The following NPAS3 variants were observed in gnomAD, a reference collection of about 807,000 sequenced individuals.
The protein encoded by NPAS3 is neuronal PAS domain protein 3.
In NPAS3, 14 loss-of-function variants were observed where a neutral mutation model predicts 73.1. The observed-to-expected ratio is 0.19, with a 90% CI of 0.13 to 0.30. The LOEUF (loss-of-function observed/expected upper bound fraction) is 0.30, where lower values mean the gene tolerates loss of function less well. Among genes scored for constraint, NPAS3 ranks in the 10% least tolerant of loss-of-function variants. NPAS3 has a pLI of 1.00. For synonymous variants in NPAS3, 620 were observed against 541.5 expected, an observed-to-expected ratio of 1.14 and a Z score of -2.01; for missense variants, 1,096 against 1,250.0, an observed-to-expected ratio of 0.88 and a Z score of 1.86.
chr14:33,780,252 G>A (rs1287088457), intron 9 of NPAS3, among the ~76,000 whole-genome samples: 1 of 152,198 alleles, frequency 6.6e-6, no homozygotes, highest in Non-Finnish European at 1.5e-5. Flanking sequence ...ATGAATGGGT[G>A]TTGTGTATCG....
At chr14:33,166,588 T>C (rs1405811499) in intron 2 of NPAS3, among the ~76,000 whole-genome samples, 1 of 152,214 alleles carries the variant, frequency 6.6e-6, no homozygotes, top group African/African-American at 2.4e-5. Context: ...CTTTCTGAAT[T>C]GAAGTGAATT....
At chr14:32,947,895 C>T (rs79713591) in intron 1 of NPAS3, among the ~76,000 whole-genome samples, 2,291 of 152,070 alleles carry the variant, frequency 0.015, 62 homozygotes, top group African/African-American at 0.052. Context: ...TTGTCACCAC[C>T]GTATCTGCAT....
At chr14:33,764,584 T>G (rs187952110) in intron 7 of NPAS3, among the ~76,000 whole-genome samples, 1 of 152,278 alleles carries the variant, frequency 6.6e-6, no homozygotes, top group East Asian at 1.9e-4. Flanking sequence ...GTGGGACTAG[T>G]TCTGAGTCTT....
intron 1 of NPAS3, among the ~76,000 whole-genome samples, chr14:33,015,553 T>A (rs2039360414): frequency 6.7e-6 from 1 of 149,924 alleles, no homozygotes; most frequent in African/African-American, 2.4e-5. Flanking sequence ...GTCCCAAGGA[T>A]TAAGGAGAAG....
chr14:33,332,888 A>G lies in NPAS3; in HGVS notation c.386-34298A>G, dbSNP rs368572756. On this transcript the variant is annotated intron_variant, in intron 3 of 11. Transcript: ENST00000356141. ...TAATGACCTGCAAGGTTATGCCAAT[A>G]TATTTATTGGCATTTCATTGCTTTC... Among the ~76,000 whole-genome samples, 27 of 152,340 alleles carry G rather than the reference A, an allele frequency of 1.8e-4. No homozygotes were observed. In the East Asian group the frequency reaches 3.3e-3, roughly 19 times the overall value.
At chr14:33,296,090 A>G (rs1341286634) in intron 3 of NPAS3, among the ~76,000 whole-genome samples, 17 of 152,220 alleles carry the variant, frequency 1.1e-4, no homozygotes, top group Admixed American at 1.1e-3. Flanking sequence ...GAAACAAAAC[A>G]GAAAAAAAAT....
At chr14:33,603,045 A>T (rs1266878106) in intron 5 of NPAS3, among the ~76,000 whole-genome samples, 1 of 152,234 alleles carries the variant, frequency 6.6e-6, no homozygotes, top group African/African-American at 2.4e-5. Flanking sequence ...CAATGAAGAG[A>T]TATGTTAATT....
chr14:33,328,244 A>G (rs1195706706), intron 3 of NPAS3, among the ~76,000 whole-genome samples: 1 of 151,944 alleles, frequency 6.6e-6, no homozygotes, highest in Non-Finnish European at 1.5e-5. Context: ...CCTCTCAGGT[A>G]TAGAGCTTCT....
intron 2 of NPAS3, among the ~76,000 whole-genome samples, chr14:33,208,862 A>G (rs909794896): frequency 6.6e-6 from 1 of 152,198 alleles, no homozygotes; most frequent in African/African-American, 2.4e-5. Context: ...CAGACCATCA[A>G]ACAGTGCATC....
intron 2 of NPAS3, among the ~76,000 whole-genome samples, chr14:33,141,253 G>T (rs2044033259): frequency 6.6e-6 from 1 of 152,178 alleles, no homozygotes; most frequent in African/African-American, 2.4e-5. Flanking sequence ...GTAGGTCATT[G>T]CTGGGCTTTA....
chr14:33,362,773 C>T (rs1032404317), intron 3 of NPAS3, among the ~76,000 whole-genome samples: 21 of 152,236 alleles, frequency 1.4e-4, no homozygotes, highest in Middle Eastern at 3.4e-3. Context: ...GCCGTACTGC[C>T]CTCCACCTTA....
intron 3 of NPAS3, among the ~76,000 whole-genome samples, chr14:33,333,829 C>G (rs17567572): frequency 0.017 from 2,532 of 152,142 alleles, 33 homozygotes; most frequent in Non-Finnish European, 0.022. Flanking sequence ...GGCTTCAAGT[C>G]CATTTTATTG....
chr14:33,014,072 C>CT (rs1289656859), intron 1 of NPAS3, among the ~76,000 whole-genome samples: 3 of 152,122 alleles, frequency 2.0e-5, no homozygotes, highest in African/African-American at 7.2e-5. Context: ...TAGAGTTGAC[C>CT]TTACTCCTTA....
chr14:33,009,082 C>T (rs905519853), intron 1 of NPAS3, among the ~76,000 whole-genome samples: 33 of 152,080 alleles, frequency 2.2e-4, no homozygotes, highest in Non-Finnish European at 2.4e-4. Flanking sequence ...TAAAAATAAT[C>T]TTGTTTATAG....
intron 3 of NPAS3, among the ~76,000 whole-genome samples, chr14:33,329,313 G>A (rs1011785119): frequency 6.6e-6 from 1 of 152,118 alleles, no homozygotes; most frequent in Non-Finnish European, 1.5e-5. Context: ...AAGCAACTGC[G>A]CTACCAGCAT....
At chr14:33,399,671 T>C (rs1412629414) in intron 4 of NPAS3, among the ~76,000 whole-genome samples, 3 of 149,546 alleles carry the variant, frequency 2.0e-5, no homozygotes, top group Admixed American at 1.3e-4. Context: ...TTTTTTTTTT[T>C]CTTTATGCCA....
At chr14:33,724,424 A>G (rs952167138) in intron 6 of NPAS3, among the ~76,000 whole-genome samples, 2 of 152,172 alleles carry the variant, frequency 1.3e-5, no homozygotes, top group Non-Finnish European at 2.9e-5. Flanking sequence ...CCTTGAGCCC[A>G]GGAGTTCAAG....
intron 3 of NPAS3, among the ~76,000 whole-genome samples, chr14:33,262,081 A>G (rs2048995532): frequency 6.6e-6 from 1 of 152,230 alleles, no homozygotes; most frequent in African/African-American, 2.4e-5. Context: ...AGCCTGATGT[A>G]TTCCAAAGAT....
intron 1 of NPAS3, among the ~76,000 whole-genome samples, chr14:32,990,334 A>G (rs1024019657): frequency 6.6e-6 from 1 of 152,248 alleles, no homozygotes; most frequent in Non-Finnish European, 1.5e-5. Context: ...TGATTATTTT[A>G]AAATCATACA....
Sources: gnomAD v4.1 joint callset for allele counts (sites outside exome capture counted in the v4.1 genomes callset) on GRCh38, gnomAD v4.1.1 for gene constraint, MANE v1.5 for transcripts, NCBI Gene and HGNC (gene_info 2026-07-23, HGNC 2026-07-21) for gene names.